The following TUT4 variants were observed in gnomAD, a reference collection of about 807,000 sequenced individuals.
TUT4 encodes the protein terminal uridylyltransferase 4.
In TUT4, 36 loss-of-function variants were observed where a neutral mutation model predicts 192.2. That is an observed-to-expected ratio of 0.19 (90% CI 0.14 to 0.25). TUT4 has a LOEUF of 0.25. TUT4 is among the 10% of genes least tolerant of loss of function. The pLI, the probability that TUT4 is intolerant of heterozygous loss-of-function variation, is 1.00. For missense variants in TUT4, 1,493 were observed against 1,957.2 expected (o/e 0.76, Z 4.47); for synonymous variants, 618 against 666.0 (o/e 0.93, Z 1.11).
intron 27 of TUT4, chr1:52,435,063 C>T (rs995960316): frequency 1.1e-5 from 2 of 187,640 alleles, no homozygotes; most frequent in African/African-American, 2.3e-5. Flanking sequence ...TATTTTTCCA[C>T]TAAGCAAAGT....
intron 1 of TUT4, among the ~76,000 whole-genome samples, chr1:52,537,683 C>T (rs576579118): frequency 6.6e-6 from 1 of 151,860 alleles, no homozygotes; most frequent in South Asian, 2.1e-4. Flanking sequence ...GAGGCCAGGG[C>T]AGGTGGATCA....
At chr1:52,443,967 G>C (rs1417259736) in intron 24 of TUT4, among the ~76,000 whole-genome samples, 1 of 152,150 alleles carries the variant, frequency 6.6e-6, no homozygotes, top group East Asian at 1.9e-4. Context: ...GCCAAATGCG[G>C]TGGCTCATGC....
At position 52,475,298 on chromosome 1, in the gene TUT4, T is replaced by C; in HGVS notation, c.2261A>G (p.Glu754Gly). ...NGCILLGETT[E>G]KINAEREQPV... is the part of the protein sequence containing the mutation. The stretch of plus-strand genomic sequence containing the variant: ...TTGCTCTCTTTCTGCATTTATTTTT[T>C]CTGTGGTTTCCCCAAGCAGAATACA... Residue 754 changes from glutamate to glycine, a missense_variant, in exon 13 of 30, where the codon GAA (glutamate) becomes GGA (glycine). By Grantham distance (98) the Glu-to-Gly change is moderately conservative. Coordinates refer to ENST00000257177, the MANE Select transcript of TUT4 (RefSeq NM_001009881.3). 1.2e-6 allele frequency: 2 copies of C among 1,614,130 alleles called. No individual in the cohort carries two copies. The highest frequency in any genetic ancestry group is 1.7e-6 in the Non-Finnish European group (2 of 1,180,028).
chr1:52,488,862 T>C, intron 9 of TUT4, 47 bp downstream of exon 9: 2 of 1,558,924 alleles, frequency 1.3e-6, no homozygotes, highest in Non-Finnish European at 1.7e-6. Flanking sequence ...ATTAAATACA[T>C]TTCCTTCTAA....
At chr1:52,446,726 A>C in intron 20 of TUT4, 59 bp from the exon 21 acceptor site, 4 of 1,208,532 alleles carry the variant, frequency 3.3e-6, no homozygotes, top group Non-Finnish European at 4.7e-6. Context: ...AAAGGTCCAA[A>C]TACTCTAATA....
rs1401847772 is a variant in TUT4, at chr1:52,461,661, A to T, written c.3128-45T>A. ...CTTCAGTAGGTTAAATAATTTTCAT[A>T]TATGCTAAAAAAATTTATTTTGTTT... On this transcript the variant is annotated intron_variant, in intron 17 of 29. Coordinates refer to ENST00000257177, the MANE Select transcript of TUT4 (RefSeq NM_001009881.3). The T allele has an allele frequency of 1.9e-6, 3 of 1,554,846 alleles. No homozygotes were observed. In the East Asian group the frequency reaches 6.8e-5, roughly 35 times the overall value.
chr1:52,531,482 G>A (rs1037467594), intron 1 of TUT4, among the ~76,000 whole-genome samples: 4 of 152,106 alleles, frequency 2.6e-5, no homozygotes, highest in African/African-American at 9.7e-5. Flanking sequence ...CTCCCCATGA[G>A]ATTCTCAAGT....
chr1:52,550,646 C>A (rs1464146883), intron 1 of TUT4, among the ~76,000 whole-genome samples: 1 of 152,038 alleles, frequency 6.6e-6, no homozygotes, highest in African/African-American at 2.4e-5. Context: ...ACGCACACCA[C>A]CACGCCCAGC....
chr1:52,436,532 A>C (rs1653853112), intron 26 of TUT4, among the ~76,000 whole-genome samples: 1 of 152,076 alleles, frequency 6.6e-6, no homozygotes, highest in South Asian at 2.1e-4. Context: ...ACTTACAGGG[A>C]GATAATTGAA....
At chr1:52,443,743 C>T (rs529681044) in intron 24 of TUT4, among the ~76,000 whole-genome samples, 3 of 151,894 alleles carry the variant, frequency 2.0e-5, no homozygotes, top group Admixed American at 6.6e-5. Context: ...AGCCTGGGGA[C>T]AAGAGCAAGA....
chr1:52,520,683 T>C (rs576893057), intron 2 of TUT4, among the ~76,000 whole-genome samples: 186 of 152,332 alleles, frequency 1.2e-3, no homozygotes, highest in African/African-American at 4.3e-3. Flanking sequence ...CACTTTCTCA[T>C]TGACACTTTA....
At chr1:52,498,011 T>G (rs1199966109) in intron 4 of TUT4, among the ~76,000 whole-genome samples, 1 of 152,164 alleles carries the variant, frequency 6.6e-6, no homozygotes, top group African/African-American at 2.4e-5. Context: ...TAGCCAAAGC[T>G]AGTTGGTTTC....
At chr1:52,521,526 G>A (rs1180731912) in intron 2 of TUT4, among the ~76,000 whole-genome samples, 3 of 151,932 alleles carry the variant, frequency 2.0e-5, no homozygotes, top group Non-Finnish European at 4.4e-5. Flanking sequence ...TTAGCCGGGT[G>A]TAGTGGTACA....
chr1:52,519,330 G>A (rs540643848), intron 2 of TUT4, among the ~76,000 whole-genome samples: 4 of 152,238 alleles, frequency 2.6e-5, no homozygotes, highest in Admixed American at 2.6e-4. Flanking sequence ...TAAAGAGAAA[G>A]AAAGTAGATT....
chr1:52,454,278 AAGG>A (rs1175968035), intron 20 of TUT4, among the ~76,000 whole-genome samples: 4 of 152,194 alleles, frequency 2.6e-5, no homozygotes, highest in African/African-American at 7.2e-5. Flanking sequence ...CACAATATTG[AAGG>A]AGAAGAACAA....
intron 3 of TUT4, among the ~76,000 whole-genome samples, chr1:52,512,182 C>T (rs1365336814): frequency 6.6e-6 from 1 of 152,136 alleles, no homozygotes; most frequent in Non-Finnish European, 1.5e-5. Flanking sequence ...TCTCAACTGA[C>T]CTTGGATAAA....
intron 1 of TUT4, among the ~76,000 whole-genome samples, chr1:52,547,000 T>C (rs1416120294): frequency 1.3e-5 from 2 of 151,470 alleles, no homozygotes; most frequent in Non-Finnish European, 2.9e-5. Flanking sequence ...AAAAATTAGC[T>C]GGGCATGGTG....
At chr1:52,452,497 T>C (rs969446055) in intron 20 of TUT4, among the ~76,000 whole-genome samples, 2 of 152,148 alleles carry the variant, frequency 1.3e-5, no homozygotes, top group African/African-American at 4.8e-5. Flanking sequence ...ACCCCAACCT[T>C]TGGGGAGCGG....
chr1:52,464,231 G>A (rs1042246782), intron 16 of TUT4, among the ~76,000 whole-genome samples: 14 of 151,978 alleles, frequency 9.2e-5, no homozygotes, highest in African/African-American at 2.9e-4. Flanking sequence ...GTTTCTAAAA[G>A]CTATCTTAGC....
Sources: allele counts gnomAD v4.1 joint callset (sites outside exome capture counted in the v4.1 genomes callset), GRCh38; gene constraint gnomAD v4.1.1; transcripts MANE v1.5; gene names NCBI Gene and HGNC (gene_info 2026-07-23, HGNC 2026-07-21).